Variants in CLECL1 observed in about 807,000 individuals in gnomAD.
CLECL1 encodes the protein C-type lectin-like domain family 1.
chr12:9,725,253 G>A (rs1213884610), intron 3 of CLECL1, among the ~76,000 whole-genome samples: 7 of 152,040 alleles, frequency 4.6e-5, no homozygotes, highest in Non-Finnish European at 8.8e-5. Context: ...GCAAACATCT[G>A]GATAAGCATA....
At chr12:9,712,574 C>T (rs1866208187), downstream of CLECL1, among the ~76,000 whole-genome samples, 1 of 152,146 alleles carries the variant, frequency 6.6e-6, no homozygotes, top group South Asian at 2.1e-4. Flanking sequence ...AATAAAACTT[C>T]TATTGTGATA....
chr12:9,721,686 A>G (rs767752938), downstream of CLECL1, among the ~76,000 whole-genome samples: 1 of 152,308 alleles, frequency 6.6e-6, no homozygotes, highest in East Asian at 1.9e-4. Context: ...GATTCTTTAG[A>G]CAACACTCTT....
the CLECL1 span, among the ~76,000 whole-genome samples, chr12:9,702,736 A>G: frequency 2.0e-5 from 3 of 152,346 alleles, no homozygotes; most frequent in African/African-American, 7.2e-5. Context: ...ACTTTCCTCC[A>G]CAGCATAATT....
At chr12:9,708,201 A>G in the CLECL1 span, among the ~76,000 whole-genome samples, 1 of 152,206 alleles carries the variant, frequency 6.6e-6, no homozygotes, top group Admixed American at 6.5e-5. Context: ...TGGGGGAAGA[A>G]TGGGAAAGTT....
chr12:9,730,023 C>A (rs946188619), intron 1 of CLECL1, among the ~76,000 whole-genome samples: 4 of 152,116 alleles, frequency 2.6e-5, no homozygotes, highest in African/African-American at 7.2e-5. Flanking sequence ...TTGAGCTGAT[C>A]TTTTCTGTTT....
rs776355493 is a variant in CLECL1 at position 9,732,110 on chromosome 12, T to G, written n.82+839A>C. Among the ~76,000 whole-genome samples, 10 of 152,260 alleles carry G rather than the reference T, an allele frequency of 6.6e-5. No individual in the cohort carries two copies. The South Asian group carries it at 2.1e-3, about 32-fold the overall frequency. ...TTTACAACCAGAAAAGGACACACAC[T>G]AGATTCCTTTGATAACTATAAACTT... is the stretch of plus-strand genomic sequence containing the variant. On this transcript the variant is annotated intron_variant and non_coding_transcript_variant, in intron 1 of 3. Transcript: ENST00000621400.
chr12:9,723,926 G>A (rs1265561039), intron 3 of CLECL1, among the ~76,000 whole-genome samples: 3 of 152,040 alleles, frequency 2.0e-5, no homozygotes, highest in South Asian at 4.1e-4. Flanking sequence ...AATGGCTCAC[G>A]TCTGTGATCC....
intron 3 of CLECL1, among the ~76,000 whole-genome samples, chr12:9,723,347 C>T (rs1866337315): frequency 6.6e-6 from 1 of 152,048 alleles, no homozygotes; most frequent in Non-Finnish European, 1.5e-5. Context: ...TATAATATTT[C>T]CCAGCAAATT....
chr12:9,710,595 A>G, the CLECL1 span, among the ~76,000 whole-genome samples: 49 of 152,286 alleles, frequency 3.2e-4, no homozygotes, highest in African/African-American at 9.9e-4. Flanking sequence ...CTGGCCTGCC[A>G]TGCCCCCATC....
downstream of CLECL1, among the ~76,000 whole-genome samples, chr12:9,711,384 G>T (rs1458072166): frequency 6.6e-6 from 1 of 152,082 alleles, no homozygotes. Context: ...TAATCTAAAA[G>T]CTTTGGTCAA....
chr12:9,722,753 T>C, exon 4 of CLECL1: 1 of 1,613,974 alleles, frequency 6.2e-7, no homozygotes, highest in Non-Finnish European at 8.5e-7. Flanking sequence ...ACATTTTCCC[T>C]TATGCACCTT....
chr12:9,703,627 TCAAA>T, the CLECL1 span, among the ~76,000 whole-genome samples: 11 of 152,014 alleles, frequency 7.2e-5, no homozygotes, highest in African/African-American at 1.5e-4. Flanking sequence ...AATTTTGGGG[TCAAA>T]CAATCTACCT....
the CLECL1 span, among the ~76,000 whole-genome samples, chr12:9,708,421 A>G: frequency 1.3e-5 from 2 of 152,176 alleles, no homozygotes; most frequent in Non-Finnish European, 2.9e-5. Flanking sequence ...CTCTAAATGG[A>G]CACAAACAGC....
At chr12:9,730,656 G>A (rs937509551) in intron 1 of CLECL1, among the ~76,000 whole-genome samples, 1 of 152,028 alleles carries the variant, frequency 6.6e-6, no homozygotes. Context: ...AAAGAATGTG[G>A]TGATGTCACT....
intron 2 of CLECL1, among the ~76,000 whole-genome samples, chr12:9,728,045 T>G (rs2121060305): frequency 6.6e-6 from 1 of 151,972 alleles, no homozygotes; most frequent in African/African-American, 2.4e-5. Context: ...TGTCACCTGG[T>G]TGATGTTTTG....
chr12:9,724,303 G>A (rs1315400339), intron 3 of CLECL1, among the ~76,000 whole-genome samples: 2 of 152,048 alleles, frequency 1.3e-5, no homozygotes, highest in African/African-American at 4.8e-5. Context: ...ACAATGTATA[G>A]TATATAATCT....
the CLECL1 span, among the ~76,000 whole-genome samples, chr12:9,705,389 A>T: frequency 6.6e-6 from 1 of 152,104 alleles, no homozygotes; most frequent in Non-Finnish European, 1.5e-5. Context: ...CTTGCTGTGC[A>T]GAAGATCTTT....
intron 1 of CLECL1, among the ~76,000 whole-genome samples, chr12:9,732,554 T>A (rs999895121): frequency 6.6e-6 from 1 of 152,262 alleles, no homozygotes; most frequent in Admixed American, 6.5e-5. Flanking sequence ...ACAATATGAG[T>A]AAATTGCCAC....
chr12:9,729,711 G>T (rs1253725498), intron 1 of CLECL1, among the ~76,000 whole-genome samples: 1 of 152,106 alleles, frequency 6.6e-6, no homozygotes, highest in African/African-American at 2.4e-5. Context: ...AGTAAACCCA[G>T]CAGGTAGCTC....
Sources: gnomAD v4.1 joint callset for allele counts (sites outside exome capture counted in the v4.1 genomes callset) on GRCh38, gnomAD v4.1.1 for gene constraint, MANE v1.5 for transcripts, NCBI Gene and HGNC (gene_info 2026-07-23, HGNC 2026-07-21) for gene names.